PNPLA3: variants seen among roughly 807,000 people sequenced by gnomAD.
The protein encoded by PNPLA3 is patatin like domain 3, 1-acylglycerol-3-phosphate O-acyltransferase.
In PNPLA3, 42 loss-of-function variants were observed where a neutral mutation model predicts 43.1. The ratio of observed to expected loss-of-function variants is 0.97; its 90% confidence interval spans 0.76 to 1.26. The LOEUF (loss-of-function observed/expected upper bound fraction) is 1.26. Among genes scored for constraint, PNPLA3 ranks in the 50% most tolerant of loss-of-function variants. The pLI, the probability that PNPLA3 is intolerant of heterozygous loss-of-function variation, is 0.00. For missense variants in PNPLA3, 647 were observed against 621.4 expected, an observed-to-expected ratio of 1.04 and a Z score of -0.44; for synonymous variants, 272 against 253.6, an observed-to-expected ratio of 1.07 and a Z score of -0.69.
intron 7 of PNPLA3, among the ~76,000 whole-genome samples, chr22:43,943,017 C>T (rs746100940): frequency 6.6e-6 from 1 of 152,030 alleles, no homozygotes; most frequent in Non-Finnish European, 1.5e-5. Context: ...TCATATTTTT[C>T]ATCACTCGTT....
At chr22:43,928,527 C>G (rs936680228) in intron 2 of PNPLA3, among the ~76,000 whole-genome samples, 2 of 151,854 alleles carry the variant, frequency 1.3e-5, no homozygotes, top group African/African-American at 4.8e-5. Context: ...AGTCCATGAG[C>G]CAACAACCCT....
intron 1 of PNPLA3, among the ~76,000 whole-genome samples, chr22:43,924,628 C>T (rs1221141602): frequency 6.6e-6 from 1 of 152,056 alleles, no homozygotes; most frequent in Non-Finnish European, 1.5e-5. Flanking sequence ...ACACCCCGCG[C>T]CTGCGCTTTT....
chr22:43,926,003 G>A (rs527537437), intron 1 of PNPLA3, among the ~76,000 whole-genome samples: 7 of 152,218 alleles, frequency 4.6e-5, no homozygotes, highest in East Asian at 1.9e-4. Context: ...ATCTGGAGGC[G>A]TTGGCAGGAG....
intron 7 of PNPLA3, among the ~76,000 whole-genome samples, chr22:43,941,583 T>C (rs1015348342): frequency 6.6e-6 from 1 of 152,122 alleles, no homozygotes; most frequent in African/African-American, 2.4e-5. Flanking sequence ...CAGCTAGAGA[T>C]GTTGATTTCT....
chr22:43,945,313 T>C (rs4823179), intron 8 of PNPLA3, among the ~76,000 whole-genome samples: 31,085 of 152,092 alleles, frequency 0.2, 3,703 homozygotes, highest in East Asian at 0.4. Flanking sequence ...GGGTGAAGCC[T>C]AGCAGTCTGC....
intron 1 of PNPLA3, among the ~76,000 whole-genome samples, chr22:43,925,077 T>A (rs1416855723): frequency 1.3e-5 from 2 of 149,456 alleles, no homozygotes; most frequent in Non-Finnish European, 2.9e-5. Context: ...AGAGGAAAGT[T>A]GTTTCCTCCT....
chr22:43,934,049 G>A (rs536159561), intron 4 of PNPLA3, among the ~76,000 whole-genome samples: 4 of 152,288 alleles, frequency 2.6e-5, no homozygotes, highest in Non-Finnish European at 4.4e-5. Context: ...AGGCGCGGTG[G>A]CTCACGCCTG....
intron 3 of PNPLA3, among the ~76,000 whole-genome samples, chr22:43,931,602 G>A (rs967981169): frequency 1.3e-5 from 2 of 152,060 alleles, no homozygotes; most frequent in Admixed American, 6.5e-5. Flanking sequence ...TGCAACCCTC[G>A]GCTCCTGGGT....
rs373944158 is a variant in PNPLA3, at chr22:43,926,002, C to T, written c.188-933C>T. On this transcript the variant is annotated intron_variant, in intron 1 of 8. Transcript: ENST00000216180. ...AGTCCCTGGAAGGTGGATCTGGAGG[C>T]GTTGGCAGGAGCCACTCCCTGGGTT... is the stretch of plus-strand genomic sequence containing the variant. Among the ~76,000 whole-genome samples the T allele has an allele frequency of 1.4e-4, 22 of 152,320 alleles. No homozygotes were observed. The East Asian group carries it at 3.9e-3, about 27-fold the overall frequency.
chr22:43,942,091 A>T (rs2050034455), intron 7 of PNPLA3, among the ~76,000 whole-genome samples: 1 of 152,194 alleles, frequency 6.6e-6, no homozygotes, highest in African/African-American at 2.4e-5. Context: ...GGAGGGAATG[A>T]GCCAGCCCAT....
chr22:43,946,922 T>A lies in PNPLA3; in HGVS notation c.*540T>A. ...CTCCATGGCGGGGGTAACAAGATGA[T>A]AATCTACTTAATTTTAGAACACCTT... On this transcript the variant is annotated 3_prime_UTR_variant, in exon 9 of 9. Coordinates refer to ENST00000216180, the MANE Select transcript of PNPLA3 (RefSeq NM_025225.3). 1 of 323,282 alleles carries A rather than the reference T, an allele frequency of 3.1e-6. No individual in the cohort carries two copies. 20.0% of individuals were successfully genotyped at this position (323,282 alleles called of 1,614,324 possible).
intron 1 of PNPLA3, chr22:43,924,399 G>A: frequency 2.6e-6 from 1 of 385,798 alleles, no homozygotes; most frequent in South Asian, 5.6e-5. Context: ...CCTCCGGACT[G>A]AGAGTCGGAG....
At chr22:43,933,643 G>T (rs1199526008) in intron 4 of PNPLA3, among the ~76,000 whole-genome samples, 3 of 152,090 alleles carry the variant, frequency 2.0e-5, no homozygotes, top group Admixed American at 1.3e-4. Flanking sequence ...CAATGTGTTG[G>T]GATTACAGGC....
chr22:43,924,108 G>A lies in PNPLA3; in HGVS notation c.187+10G>A, dbSNP rs890433918. On this transcript the variant is annotated intron_variant, in intron 1 of 8. Transcript: ENST00000216180. ...TCCGGTATCCCGCTGGGTGCGTCTGGGGACGCTGCCCGGGCTCCACGTGCG... is the reference window on the plus strand; with the variant it reads ...TCCGGTATCCCGCTGGGTGCGTCTGAGGACGCTGCCCGGGCTCCACGTGCG... 5.2e-6 allele frequency: 8 copies of A among 1,533,630 alleles called. No homozygotes were observed. Among genetic ancestry groups the A allele is most frequent in the Admixed American group, 2.0e-5 (1 of 50,916 alleles).
At chr22:43,925,998 G>A (rs953030883) in intron 1 of PNPLA3, among the ~76,000 whole-genome samples, 3 of 152,222 alleles carry the variant, frequency 2.0e-5, no homozygotes, top group African/African-American at 7.2e-5. Flanking sequence ...GGTGGATCTG[G>A]AGGCGTTGGC....
intron 1 of PNPLA3, 112 bp downstream of exon 1, chr22:43,924,210 G>A: frequency 1.6e-6 from 2 of 1,227,254 alleles, no homozygotes; most frequent in South Asian, 1.8e-5. Context: ...CATCGGACGC[G>A]GACACGGCGG....
chr22:43,929,594 C>A (rs1211183150), intron 3 of PNPLA3, among the ~76,000 whole-genome samples: 1 of 142,446 alleles, frequency 7.0e-6, no homozygotes. Flanking sequence ...ATATTTTTTT[C>A]TTTTCTTTTT....
At chr22:43,937,374 C>G in intron 6 of PNPLA3, 102 bp downstream of exon 6, 1 of 1,072,884 alleles carries the variant, frequency 9.3e-7, no homozygotes, top group South Asian at 1.4e-5. Flanking sequence ...GGTGAGGCAA[C>G]CATGACAGGT....
At chr22:43,928,976 G>A (rs1395433340) in intron 3 of PNPLA3, 87 bp downstream of exon 3, 1 of 1,321,084 alleles carries the variant, frequency 7.6e-7, no homozygotes, top group Non-Finnish European at 1.1e-6. Context: ...ACTGGTGTCG[G>A]GCACCTCAGG....
Sources: gnomAD v4.1 joint callset for allele counts (sites outside exome capture counted in the v4.1 genomes callset) on GRCh38, gnomAD v4.1.1 for gene constraint, MANE v1.5 for transcripts, NCBI Gene and HGNC (gene_info 2026-07-23, HGNC 2026-07-21) for gene names.